The following SLC9C1 variants were observed in gnomAD, a reference collection of about 807,000 sequenced individuals.
SLC9C1 encodes the protein sodium/hydrogen exchanger 10.
In SLC9C1, 97 loss-of-function variants were observed where a neutral mutation model predicts 140.9. That is an observed-to-expected ratio of 0.69 (90% CI 0.58 to 0.82). The LOEUF is 0.82. Among genes scored for constraint, SLC9C1 ranks in the 40% least tolerant of loss-of-function variants. The pLI is 0.00. For missense variants in SLC9C1, 1,340 were observed against 1,389.3 expected, an observed-to-expected ratio of 0.96 and a Z score of 0.56; for synonymous variants, 440 against 442.6, an observed-to-expected ratio of 0.99 and a Z score of 0.07.
rs937407252 is a variant in SLC9C1 at position 112,251,853 on chromosome 3, C to T, written c.1198-7777G>A. Reference sequence around the variant, plus strand: ...TGAGTGATTCTGGGTATCCATGCTTCTCCCATGGATCTTTGCAACTCTTGG... The same window carrying T: ...TGAGTGATTCTGGGTATCCATGCTTTTCCCATGGATCTTTGCAACTCTTGG... On this transcript the variant is annotated intron_variant, in intron 10 of 28. Coordinates refer to ENST00000305815, the MANE Select transcript of SLC9C1 (RefSeq NM_183061.3). Among the ~76,000 whole-genome samples, 4 of 152,182 alleles carry T rather than the reference C, an allele frequency of 2.6e-5. No individual in the cohort carries two copies. The East Asian group carries it at 7.7e-4, about 29-fold the overall frequency.
chr3:112,221,591 A>C (rs548746475), intron 13 of SLC9C1, among the ~76,000 whole-genome samples: 1 of 152,254 alleles, frequency 6.6e-6, no homozygotes, highest in East Asian at 1.9e-4. Flanking sequence ...AAATCCTACT[A>C]TACATCTTTA....
At chr3:112,267,440 G>A (rs890859835) in intron 7 of SLC9C1, among the ~76,000 whole-genome samples, 4 of 151,654 alleles carry the variant, frequency 2.6e-5, no homozygotes, top group Admixed American at 6.6e-5. Flanking sequence ...GCCGGGCGTC[G>A]TGGCGGGCAC....
chr3:112,208,105 G>T (rs1390540372), intron 16 of SLC9C1, 73 bp downstream of exon 16: 3 of 1,217,306 alleles, frequency 2.5e-6, no homozygotes, highest in Non-Finnish European at 3.3e-6. Flanking sequence ...TGTTGCTGGT[G>T]TTGAAAAACA....
intron 28 of SLC9C1, among the ~76,000 whole-genome samples, chr3:112,148,449 A>G (rs1311903882): frequency 6.6e-6 from 1 of 151,808 alleles, no homozygotes; most frequent in Non-Finnish European, 1.5e-5. Context: ...CTTTAATAAT[A>G]TTATTATTTG....
At position 112,272,963 on chromosome 3, in the gene SLC9C1, A is replaced by T. The variant is rs1195037112; in HGVS notation, c.613+1934T>A. Reference sequence around the variant, plus strand: ...CCCTTCTCCCAACGAGTACCAAAAAAGTTCCCCTGATTAGCCTGCAGATGT... The same window carrying T: ...CCCTTCTCCCAACGAGTACCAAAAATGTTCCCCTGATTAGCCTGCAGATGT... On this transcript the variant is annotated intron_variant, in intron 6 of 28. Transcript: ENST00000305815. 3.9e-5 allele frequency among the ~76,000 whole-genome samples: 6 copies of T among 152,194 alleles called. No homozygotes were observed. In the East Asian group the frequency reaches 1.2e-3, roughly 29 times the overall value.
At chr3:112,204,504 T>C in intron 16 of SLC9C1, 101 bp from the exon 17 acceptor site, 3 of 1,240,978 alleles carry the variant, frequency 2.4e-6, no homozygotes, top group Non-Finnish European at 3.3e-6. Flanking sequence ...TTCTCTTATC[T>C]ACTCCACATG....
At position 112,179,589 on chromosome 3, in the gene SLC9C1, A is replaced by C. The variant is rs139805893; in HGVS notation, c.2861T>G (p.Ile954Arg). 10 of 1,612,028 alleles carry C rather than the reference A, an allele frequency of 6.2e-6. No individual in the cohort carries two copies. The South Asian group carries it at 7.7e-5, about 12-fold the overall frequency. ...CATAGGTTCATTAGTTAAGCAGTTT[A>C]TCTCTCCTATTATTTCTCCACTGAG... is the stretch of plus-strand genomic sequence containing the variant. The part of the protein sequence containing the change: ...YMLSGEIIGE[I>R]NCLTNEPMKY... Residue 954 changes from isoleucine (I) to arginine (R), a missense_variant, in exon 23 of 29, where the codon ATA becomes AGA. Physicochemically the swap from Ile to Arg is moderately conservative, Grantham distance 97. Coordinates refer to ENST00000305815, the MANE Select transcript of SLC9C1 (RefSeq NM_183061.3).
intron 7 of SLC9C1, among the ~76,000 whole-genome samples, chr3:112,268,713 T>C (rs933101853): frequency 6.6e-6 from 1 of 152,252 alleles, no homozygotes; most frequent in Non-Finnish European, 1.5e-5. Context: ...TCTTTTAAAA[T>C]ATGTATAAAT....
chr3:112,242,285 T>G (rs2079157419), intron 11 of SLC9C1, among the ~76,000 whole-genome samples: 1 of 152,108 alleles, frequency 6.6e-6, no homozygotes, highest in Admixed American at 6.6e-5. Flanking sequence ...AAAGGTTAAG[T>G]GTCCATCAAC....
At chr3:112,150,765 A>AATACATATATATATATATAAATACAT (rs1560003067) in intron 28 of SLC9C1, among the ~76,000 whole-genome samples, 6 of 141,166 alleles carry the variant, frequency 4.3e-5, no homozygotes, top group African/African-American at 1.6e-4. Context: ...TATATATAAA[A>AATACATATATATATATATAAATACAT]ATACATATAT....
chr3:112,236,380 C>T (rs2078986629), intron 12 of SLC9C1, among the ~76,000 whole-genome samples: 1 of 152,032 alleles, frequency 6.6e-6, no homozygotes, highest in African/African-American at 2.4e-5. Flanking sequence ...ATTAGTCTTG[C>T]TGGTGGTCTA....
At chr3:112,183,349 C>CTTTTTTTTTTGTTT (rs2077474910) in intron 20 of SLC9C1, among the ~76,000 whole-genome samples, 1 of 95,404 alleles carries the variant, frequency 1.0e-5, no homozygotes, top group African/African-American at 4.9e-5. Context: ...AGCACCTTTT[C>CTTTTTTTTTTGTTT]TTTTTTTTTT....
At chr3:112,280,110 T>C (rs750040477) in intron 3 of SLC9C1, among the ~76,000 whole-genome samples, 1 of 152,220 alleles carries the variant, frequency 6.6e-6, no homozygotes, top group Non-Finnish European at 1.5e-5. Flanking sequence ...GTATAATATT[T>C]TTAACATCAT....
chr3:112,170,030 A>G (rs1338590703), intron 23 of SLC9C1, among the ~76,000 whole-genome samples: 1 of 152,220 alleles, frequency 6.6e-6, no homozygotes. Context: ...ATCCTAAACT[A>G]TAAACATGCT....
At chr3:112,273,494 C>T (rs535551020) in intron 6 of SLC9C1, among the ~76,000 whole-genome samples, 1 of 152,238 alleles carries the variant, frequency 6.6e-6, no homozygotes, top group Admixed American at 6.5e-5. Context: ...GCCTCAAAGG[C>T]TGAAAGCAAA....
At position 112,237,102 on chromosome 3, in the gene SLC9C1, G is replaced by A. The variant is rs2079008455; in HGVS notation, c.1446+2738C>T. Among the ~76,000 whole-genome samples the A allele has an allele frequency of 2.6e-5, 4 of 152,240 alleles. No individual in the cohort carries two copies. The South Asian group carries it at 6.2e-4, about 24-fold the overall frequency. ...CCATTATTATTGTGTGGGAGTCTAAGTCTCTTTGTAGGTCTCTAAGGAGTT... is the reference window on the plus strand; with the variant it reads ...CCATTATTATTGTGTGGGAGTCTAAATCTCTTTGTAGGTCTCTAAGGAGTT... On this transcript the variant is annotated intron_variant, in intron 12 of 28. Coordinates refer to ENST00000305815, the MANE Select transcript of SLC9C1 (RefSeq NM_183061.3).
At chr3:112,157,127 T>G (rs2075147449) in intron 26 of SLC9C1, among the ~76,000 whole-genome samples, 1 of 151,994 alleles carries the variant, frequency 6.6e-6, no homozygotes, top group Non-Finnish European at 1.5e-5. Flanking sequence ...TCCCAACTTT[T>G]TTTTTGTAGT....
chr3:112,216,631 G>A (rs376854776), intron 15 of SLC9C1, among the ~76,000 whole-genome samples: 1 of 152,162 alleles, frequency 6.6e-6, no homozygotes, highest in Non-Finnish European at 1.5e-5. Context: ...CGCCATCAGA[G>A]AAATGCAAAT....
chr3:112,207,120 T>G (rs2078075304), intron 16 of SLC9C1, among the ~76,000 whole-genome samples: 1 of 152,158 alleles, frequency 6.6e-6, no homozygotes, highest in Non-Finnish European at 1.5e-5. Context: ...TAGTCAAAAT[T>G]CCTACTATTT....
Sources: allele counts gnomAD v4.1 joint callset (sites outside exome capture counted in the v4.1 genomes callset), GRCh38; gene constraint gnomAD v4.1.1; transcripts MANE v1.5; gene names NCBI Gene and HGNC (gene_info 2026-07-23, HGNC 2026-07-21).